Variants in SBNO2 observed in about 807,000 individuals in gnomAD.
SBNO2 encodes protein strawberry notch homolog 2.
Under a neutral mutation model 146.3 loss-of-function variants are expected in SBNO2, and 89 were observed. The observed-to-expected ratio is 0.61, with a 90% CI of 0.51 to 0.73. SBNO2 has a LOEUF of 0.73. Among genes scored for constraint, SBNO2 ranks in the 30% least tolerant of loss-of-function variants. The probability of loss-of-function intolerance (pLI) is 0.00; values close to 1 mark genes in which losing one functional copy is unlikely to be tolerated. For missense variants in SBNO2, 2,092 were observed against 2,003.7 expected (o/e 1.04, Z -0.84); for synonymous variants, 1,147 against 892.6 (o/e 1.29, Z -5.08).
At chr19:1,169,246 C>T (rs966305049) in intron 1 of SBNO2, 1 of 152,282 alleles carries the variant, frequency 6.6e-6, no homozygotes, top group Admixed American at 6.5e-5. Flanking sequence ...CTCTCTGGGC[C>T]CCTCCTCCCA....
At chr19:1,120,068 AC>A in intron 11 of SBNO2, 45 bp from the exon 12 acceptor site, 1 of 1,470,420 alleles carries the variant, frequency 6.8e-7, no homozygotes, top group East Asian at 2.5e-5. Flanking sequence ...GACGGGGGCG[AC>A]CCCAGGAGCC....
chr19:1,115,649 T>C (rs2079821803), intron 17 of SBNO2: 1 of 331,022 alleles, frequency 3.0e-6, no homozygotes, highest in Non-Finnish European at 5.7e-6. Flanking sequence ...GACAGGCAGC[T>C]CTGGGCTTCC....
Position 1,112,459 on chromosome 19 carries a change from G to A in SBNO2, c.2458C>T (p.Arg820Cys). Residue 820 changes from arginine to cysteine, a missense_variant, in exon 21 of 32, where the codon CGC (arginine) becomes TGC (cysteine). Physicochemically the swap from Arg to Cys is radical, Grantham distance 180. Coordinates refer to ENST00000361757, the MANE Select transcript of SBNO2 (RefSeq NM_014963.3). This position sits in a 1 kb window ranked among gnomAD's most constrained non-coding sequence, Gnocchi z 5.9. ...ADRRVQNQRRRVHMTLELPWS... is the reference protein window; with the variant it reads ...ADRRVQNQRRCVHMTLELPWS... ...GGCAGCTCCAAGGTCATGTGCACGCGGCGCCGCTGGTTCTGGACACGGCGG... is the reference window on the plus strand; with the variant it reads ...GGCAGCTCCAAGGTCATGTGCACGCAGCGCCGCTGGTTCTGGACACGGCGG... 1.2e-6 allele frequency: 2 copies of A among 1,607,724 alleles called. No homozygotes were observed. Among genetic ancestry groups the A allele is most frequent in the Non-Finnish European group, 1.7e-6 (2 of 1,178,702 alleles).
chr19:1,134,187 G>C (rs145826270), intron 4 of SBNO2, among the ~76,000 whole-genome samples: 1 of 120,808 alleles, frequency 8.3e-6, no homozygotes, highest in African/African-American at 3.6e-5. Context: ...CACAGCTCAC[G>C]GGTGGACTCA....
At position 1,119,703 on chromosome 19, in the gene SBNO2, C is replaced by T. The variant is rs563493720; in HGVS notation, c.1268-82G>A. On this transcript the variant is annotated intron_variant, in intron 12 of 31. Coordinates refer to ENST00000361757, the MANE Select transcript of SBNO2 (RefSeq NM_014963.3). ...AGGGGACGACTAAGTTGGGACCACC[C>T]GACGAGGGGCCCTGCGGGGTTGGAG... 62 of 1,222,282 alleles carry T rather than the reference C, an allele frequency of 5.1e-5. No homozygotes were observed. In the African/African-American group the frequency reaches 5.9e-4, roughly 12 times the overall value. The allele number at this position is 1,222,282 out of a possible 1,614,324, so 75.7% of individuals were successfully genotyped here.
intron 1 of SBNO2, 129 bp from the exon 2 acceptor site, chr19:1,154,531 C>T: frequency 2.7e-6 from 1 of 363,690 alleles, no homozygotes. Context: ...TGGGCCGGAA[C>T]CAAAAGGCGC....
chr19:1,147,111 C>T (rs2080197964), intron 4 of SBNO2, among the ~76,000 whole-genome samples, 198 bp downstream of exon 4: 1 of 152,136 alleles, frequency 6.6e-6, no homozygotes, highest in Admixed American at 6.5e-5. Context: ...ACACGAAGGG[C>T]CAGTCACTGG....
At chr19:1,166,667 G>A (rs1015264933) in intron 1 of SBNO2, among the ~76,000 whole-genome samples, 1 of 151,328 alleles carries the variant, frequency 6.6e-6, no homozygotes, top group African/African-American at 2.4e-5. Flanking sequence ...AGCCACACAC[G>A]CTAAAAACCT....
At position 1,107,979 on chromosome 19, in the gene SBNO2, C is replaced by T; in HGVS notation, c.*241G>A. 3.1e-6 allele frequency: 1 copy of T among 322,114 alleles called. No individual in the cohort carries two copies. 20.0% of individuals were successfully genotyped at this position (322,114 alleles called of 1,614,324 possible). A position where few individuals can be genotyped will look rare whatever the true frequency, so the allele number is the denominator to read the frequency against. On this transcript the variant is annotated 3_prime_UTR_variant, in exon 32 of 32. Transcript: ENST00000361757. ...CAGTCCCAGAGCAGCCACCCGGAGC[C>T]CCTTCCTACTTGGGAGGAGAGGCAC... is the stretch of plus-strand genomic sequence containing the variant.
rs1210523727 is a variant in SBNO2, at chr19:1,157,809, GCT to G, written c.-126-3409_-126-3408del. On this transcript the variant is annotated intron_variant, in intron 1 of 31. Transcript: ENST00000361757. The surrounding 1 kb of genome is among the most constrained non-coding windows in gnomAD (Gnocchi z 6.8). ...ACCGGGTAACTGTGTCCGCCTCCCA[GCT>G]CTCTCCTGAGTCCGGGTAACTGCGT... Among the ~76,000 whole-genome samples, 1 of 150,664 alleles carries G rather than the reference GCT, an allele frequency of 6.6e-6. No individual in the cohort carries two copies.
At chr19:1,149,214 G>A (rs1234058112) in intron 3 of SBNO2, among the ~76,000 whole-genome samples, 155 bp downstream of exon 3, 1 of 150,392 alleles carries the variant, frequency 6.6e-6, no homozygotes, top group African/African-American at 2.4e-5. Context: ...GACCTGGCCC[G>A]TGGGGTGGAG....
In SBNO2 at chr19:1,140,763, G is replaced by T. The variant is rs936840196; in HGVS notation, c.279+6546C>A. On this transcript the variant is annotated intron_variant, in intron 4 of 31. Coordinates refer to ENST00000361757, the MANE Select transcript of SBNO2 (RefSeq NM_014963.3). The surrounding 1 kb of genome is among the most constrained non-coding windows in gnomAD (Gnocchi z 4.4). ...GGCAGAGGCTGCTGACCCCGCCTTG[G>T]GCAGGACCAGCCTCTGCTCAGCCTT... 6.6e-5 allele frequency among the ~76,000 whole-genome samples: 10 copies of T among 151,416 alleles called. No individual in the cohort carries two copies. Among genetic ancestry groups the T allele is most frequent in the African/African-American group, 2.4e-4 (10 of 41,170 alleles).
intron 19 of SBNO2, 101 bp from the exon 20 acceptor site, chr19:1,113,050 G>C: frequency 7.2e-7 from 1 of 1,382,142 alleles, no homozygotes; most frequent in Non-Finnish European, 9.7e-7. Flanking sequence ...GTGGTCATGG[G>C]CTCCCAGCTG....
In SBNO2 at chr19:1,120,001, T is replaced by C; in HGVS notation, c.1172A>G (p.Lys391Arg). ...CTTGGTGGAGCCGGCATTCTTGGCT[T>C]TGTGACACTCGTCGAACACGATCTG... is the stretch of plus-strand genomic sequence containing the variant. ...EGVIVFDECHKAKNAGSTKMG... is the reference protein window; with the variant it reads ...EGVIVFDECHRAKNAGSTKMG... Residue 391 changes from lysine to arginine, a missense_variant, in exon 12 of 32, where the codon AAA becomes AGA. Coordinates refer to ENST00000361757, the MANE Select transcript of SBNO2 (RefSeq NM_014963.3). The C allele has an allele frequency of 6.4e-7, 1 of 1,551,204 alleles. No individual in the cohort carries two copies. Among genetic ancestry groups the C allele is most frequent in the South Asian group, 1.2e-5 (1 of 84,044 alleles).
At chr19:1,120,114 TG>T in intron 11 of SBNO2, 91 bp from the exon 12 acceptor site, 1 of 1,002,896 alleles carries the variant, frequency 1.0e-6, no homozygotes, top group South Asian at 1.4e-5. Context: ...ACCTTCCTGG[TG>T]GGGGGCAAAC....
In SBNO2 at chr19:1,113,636, G is replaced by A; in HGVS notation, c.2146C>T (p.Gln716Ter). The A allele has an allele frequency of 6.3e-7, 1 of 1,599,706 alleles. No individual in the cohort carries two copies. The change falls in exon 19 of 32, where the codon CAG becomes TAG. Residue 716 changes from glutamine to a stop codon, truncating the protein, a stop_gained. Coordinates refer to ENST00000361757, the MANE Select transcript of SBNO2 (RefSeq NM_014963.3). LOFTEE classifies it high-confidence loss of function. ...CGCCGCACTTTGTCCAGCAGATCCT[G>A]CTTCAGCCGCTCCACCCGCTCCAGG... The part of the protein sequence containing the change: ...GVLERVERLK[Q>*]DLLDKVRRLG...
At chr19:1,160,050 C>A (rs911995310) in intron 1 of SBNO2, among the ~76,000 whole-genome samples, 1 of 152,148 alleles carries the variant, frequency 6.6e-6, no homozygotes, top group African/African-American at 2.4e-5. Flanking sequence ...CACGCGGCCA[C>A]ATTCCCGCAC....
intron 4 of SBNO2, among the ~76,000 whole-genome samples, chr19:1,138,664 C>T (rs1227600066): frequency 1.3e-5 from 2 of 152,036 alleles, no homozygotes; most frequent in East Asian, 3.9e-4. Flanking sequence ...TCCACGCCTC[C>T]ATCACAGACA....
chr19:1,109,265 C>T lies in SBNO2; in HGVS notation c.3348+27G>A. The T allele has an allele frequency of 1.3e-6, 2 of 1,582,270 alleles. No homozygotes were observed. Among genetic ancestry groups the T allele is most frequent in the South Asian group, 2.3e-5 (2 of 87,216 alleles). ...GCGGGGTCAGGGCCGGCAACCCGAG[C>T]GAAAGCTGCGCCCGGCGGCCGCCTA... On this transcript the variant is annotated intron_variant, in intron 29 of 31. Coordinates refer to ENST00000361757, the MANE Select transcript of SBNO2 (RefSeq NM_014963.3). This position sits in a 1 kb window ranked among gnomAD's most constrained non-coding sequence, Gnocchi z 4.2.
Sources: allele counts gnomAD v4.1 joint callset (sites outside exome capture counted in the v4.1 genomes callset), GRCh38; gene constraint gnomAD v4.1.1; non-coding constraint Gnocchi (gnomAD v3.1); transcripts MANE v1.5; gene names NCBI Gene and HGNC (gene_info 2026-07-23, HGNC 2026-07-21).